DSC1: variants seen among roughly 807,000 people sequenced by gnomAD.
The protein encoded by DSC1 is desmocollin 1, also known as desmocollin-1.
A neutral mutation model predicts 98.8 loss-of-function variants in DSC1; 79 were observed. The ratio of observed to expected loss-of-function variants is 0.80; its 90% CI spans 0.67 to 0.96. The LOEUF is 0.96. Ranked by LOEUF, DSC1 falls within the 50% of genes least tolerant of loss-of-function variation. The pLI is 0.00. For missense variants in DSC1, 1,115 were observed against 1,075.9 expected (o/e 1.04, Z -0.51); for synonymous variants, 405 against 372.1 (o/e 1.09, Z -1.02).
At chr18:31,161,480 C>G (rs1598634258) in intron 1 of DSC1, among the ~76,000 whole-genome samples, 1 of 152,268 alleles carries the variant, frequency 6.6e-6, no homozygotes, top group East Asian at 1.9e-4. Flanking sequence ...ATGGTCCTCC[C>G]TCTGCAGGCA....
At chr18:31,138,331 G>A (rs1171979733) in intron 11 of DSC1, among the ~76,000 whole-genome samples, 1 of 151,944 alleles carries the variant, frequency 6.6e-6, no homozygotes, top group Non-Finnish European at 1.5e-5. Flanking sequence ...AATCTGAGCA[G>A]GTCTTAACTG....
intron 11 of DSC1, among the ~76,000 whole-genome samples, chr18:31,138,545 A>G (rs1313394054): frequency 6.6e-6 from 1 of 152,064 alleles, no homozygotes; most frequent in Non-Finnish European, 1.5e-5. Flanking sequence ...GAGTAAACAT[A>G]AAGTCTTCTT....
intron 6 of DSC1, among the ~76,000 whole-genome samples, chr18:31,146,525 T>A (rs980167588): frequency 2.0e-5 from 3 of 152,236 alleles, no homozygotes; most frequent in Non-Finnish European, 4.4e-5. Flanking sequence ...TCTTTGCTAT[T>A]GTGAATGGTG....
intron 2 of DSC1, among the ~76,000 whole-genome samples, chr18:31,157,867 A>G (rs549943026): frequency 6.6e-6 from 1 of 152,330 alleles, no homozygotes; most frequent in Non-Finnish European, 1.5e-5. Context: ...GTGTGTGTAT[A>G]AATTTATATA....
Position 31,148,584 on chromosome 18 carries a change from A to T in DSC1, c.686T>A (p.Ile229Asn). Residue 229 changes from isoleucine (I) to asparagine (N), a missense_variant, in exon 6 of 16, where the codon ATC becomes AAC. Transcript: ENST00000257198. ...ATCATTATCATCTTCAATTTTGATG[A>T]TCAAAGGGAGTGGATATTCTGGTGC... ...GYAPEYPLPLIIKIEDDNDNA... is the reference protein window; with the variant it reads ...GYAPEYPLPLNIKIEDDNDNA... 1 of 1,611,764 alleles carries T rather than the reference A, an allele frequency of 6.2e-7. No individual in the cohort carries two copies. Among genetic ancestry groups the T allele is most frequent in the Non-Finnish European group, 8.5e-7 (1 of 1,178,298 alleles).
chr18:31,161,371 C>CATAT (rs150815803), intron 1 of DSC1, among the ~76,000 whole-genome samples: 6,391 of 150,606 alleles, frequency 0.042, 438 homozygotes, highest in African/African-American at 0.15. Flanking sequence ...TATAAATGTA[C>CATAT]ATATATATAT....
At chr18:31,141,240 C>G (rs1229556103) in intron 9 of DSC1, among the ~76,000 whole-genome samples, 1 of 151,358 alleles carries the variant, frequency 6.6e-6, no homozygotes, top group Non-Finnish European at 1.5e-5. Context: ...GGGAAAAAAC[C>G]TAAGAACAAG....
At position 31,143,653 on chromosome 18, in the gene DSC1, T is replaced by A. The variant is rs371600629; in HGVS notation, c.1074+4A>T. The A allele has an allele frequency of 1.0e-5, 16 of 1,572,588 alleles. No individual in the cohort carries two copies. The African/African-American group carries it at 1.5e-4, about 15-fold the overall frequency. On this transcript the variant is annotated splice_donor_region_variant and intron_variant, in intron 8 of 15. Transcript: ENST00000257198. Reference sequence around the variant, plus strand: ...TAGATGAATGAATAGAGAGGTATACTCACAGAAGTTTCTGTGAAAGATGGT... The same window carrying A: ...TAGATGAATGAATAGAGAGGTATACACACAGAAGTTTCTGTGAAAGATGGT...
intron 3 of DSC1, 78 bp downstream of exon 3, chr18:31,157,293 C>CATGTGTTTTA: frequency 7.1e-7 from 1 of 1,409,306 alleles, no homozygotes; most frequent in Admixed American, 2.2e-5. Flanking sequence ...TAACATGAAA[C>CATGTGTTTTA]ACGTTAAAAC....
At chr18:31,159,047 G>GTTTTTTTTTGTTT (rs1989155318) in intron 2 of DSC1, among the ~76,000 whole-genome samples, 1 of 71,098 alleles carries the variant, frequency 1.4e-5, no homozygotes. Flanking sequence ...CTACTATGTG[G>GTTTTTTTTTGTTT]TTTTTTTTTT....
intron 9 of DSC1, among the ~76,000 whole-genome samples, chr18:31,140,763 G>A (rs765695060): frequency 6.6e-6 from 1 of 152,164 alleles, no homozygotes; most frequent in South Asian, 2.1e-4. Context: ...CCTTTTCAAA[G>A]CACATTATAT....
chr18:31,138,230 T>C (rs1180756467), intron 11 of DSC1, among the ~76,000 whole-genome samples: 1 of 152,144 alleles, frequency 6.6e-6, no homozygotes, highest in African/African-American at 2.4e-5. Flanking sequence ...TTTAAATACT[T>C]TGTTCTCCAT....
At chr18:31,155,027 C>T in intron 4 of DSC1, 98 bp from the exon 5 acceptor site, 1 of 1,335,916 alleles carries the variant, frequency 7.5e-7, no homozygotes, top group Middle Eastern at 1.9e-4. Flanking sequence ...ACCCCTCTTT[C>T]CTACTCTCCT....
intron 11 of DSC1, among the ~76,000 whole-genome samples, chr18:31,135,954 C>T (rs372099065): frequency 1.3e-5 from 2 of 151,974 alleles, no homozygotes; most frequent in Non-Finnish European, 2.9e-5. Context: ...TTTGAAATAA[C>T]CCTAAGTCAT....
At chr18:31,158,887 G>A (rs1038291552) in intron 2 of DSC1, among the ~76,000 whole-genome samples, 2 of 151,814 alleles carry the variant, frequency 1.3e-5, no homozygotes, top group African/African-American at 4.8e-5. Context: ...TTTGTTTGAC[G>A]TAATCCAAGA....
intron 1 of DSC1, among the ~76,000 whole-genome samples, chr18:31,161,694 A>G (rs1598634377): frequency 6.6e-6 from 1 of 152,130 alleles, no homozygotes; most frequent in Admixed American, 6.6e-5. Context: ...TTTTTACCAC[A>G]TTTTACCAAA....
At position 31,154,813 on chromosome 18, in the gene DSC1, A is replaced by G. The variant is rs886302490; in HGVS notation, c.588T>C (p.Cys196=). The G allele has an allele frequency of 3.1e-6, 5 of 1,614,004 alleles. No homozygotes were observed. Among genetic ancestry groups the G allele is most frequent in the Non-Finnish European group, 4.2e-6 (5 of 1,179,920 alleles). The change falls in exon 5 of 16, where the codon TGT becomes TGC. Residue 196 remains cysteine (C), a synonymous_variant. Coordinates refer to ENST00000257198, the MANE Select transcript of DSC1 (RefSeq NM_024421.2). ...YIEKDTGDIF[C]TRSIDREKYE... ...ATTTCTCACGGTCAATGCTCCTTGT[A>G]CAAAAGATATCCCCAGTGTCTTTCT... is the stretch of plus-strand genomic sequence containing the variant.
At chr18:31,138,320 T>TA (rs1988655147) in intron 11 of DSC1, among the ~76,000 whole-genome samples, 1 of 152,132 alleles carries the variant, frequency 6.6e-6, no homozygotes, top group African/African-American at 2.4e-5. Flanking sequence ...CTTTCATCCT[T>TA]AATCTGAGCA....
At chr18:31,143,848 T>G (rs999905502) in intron 7 of DSC1, 57 bp from the exon 8 acceptor site, 38 of 1,360,942 alleles carry the variant, frequency 2.8e-5, no homozygotes, top group East Asian at 5.0e-5. Flanking sequence ...TAACTTGCAA[T>G]TCTCACAACC....
Sources: allele counts gnomAD v4.1 joint callset (sites outside exome capture counted in the v4.1 genomes callset), GRCh38; gene constraint gnomAD v4.1.1; transcripts MANE v1.5; gene names NCBI Gene and HGNC (gene_info 2026-07-23, HGNC 2026-07-21).